SDHB: variants seen among roughly 807,000 people sequenced by gnomAD.
SDHB encodes the protein succinate dehydrogenase [ubiquinone] iron-sulfur subunit, mitochondrial.
Under a neutral mutation model 39.7 loss-of-function variants are expected in SDHB, and 21 were observed. The observed-to-expected ratio is 0.53, with a 90% CI of 0.37 to 0.76. The LOEUF (loss-of-function observed/expected upper bound fraction) is 0.76, where lower values mean the gene tolerates loss of function less well. Ranked by LOEUF, SDHB falls within the 30% of genes least tolerant of loss-of-function variation. The pLI, the probability that SDHB is intolerant of heterozygous loss-of-function variation, is 0.00. For missense variants in SDHB, 343 were observed against 350.9 expected (o/e 0.98, Z 0.18); for synonymous variants, 118 against 117.0 (o/e 1.01, Z -0.06).
intron 2 of SDHB, among the ~76,000 whole-genome samples, chr1:17,040,340 A>G (rs1413717530): frequency 6.6e-6 from 1 of 152,114 alleles, no homozygotes; most frequent in Admixed American, 6.5e-5. Context: ...GGATATGTGA[A>G]TTATGTCTTT....
chr1:17,018,775 T>C lies in SDHB; in HGVS notation c.*106A>G, dbSNP rs200366300. The C allele has an allele frequency of 3.9e-6, 3 of 770,466 alleles. No homozygotes were observed. Among genetic ancestry groups the C allele is most frequent in the Non-Finnish European group, 6.8e-6 (3 of 439,714 alleles). 47.7% of individuals were successfully genotyped at this position (770,466 alleles called of 1,614,324 possible). On this transcript the variant is annotated 3_prime_UTR_variant, in exon 8 of 8. Transcript: ENST00000375499. ...CATTTATTTCTTAAAATTTTTATTA[T>C]ACATGCTGTATTCATGGAAAACCAA...
intron 2 of SDHB, among the ~76,000 whole-genome samples, chr1:17,043,300 C>T (rs988101037): frequency 5.3e-5 from 8 of 152,058 alleles, no homozygotes; most frequent in African/African-American, 1.9e-4. Context: ...TATTGTATTT[C>T]GGTCCAAAAC....
chr1:17,042,133 C>T (rs1209399357), intron 2 of SDHB, among the ~76,000 whole-genome samples: 1 of 152,092 alleles, frequency 6.6e-6, no homozygotes, highest in Non-Finnish European at 1.5e-5. Flanking sequence ...TGTCGGCCTG[C>T]TTTGGCCTCC....
At chr1:17,051,035 T>G (rs2078144206) in intron 1 of SDHB, among the ~76,000 whole-genome samples, 1 of 152,234 alleles carries the variant, frequency 6.6e-6, no homozygotes, top group Admixed American at 6.5e-5. Flanking sequence ...ATCCAACCTT[T>G]TAGCCATTAT....
At chr1:17,048,325 T>C (rs1023959213) in intron 1 of SDHB, among the ~76,000 whole-genome samples, 1 of 152,250 alleles carries the variant, frequency 6.6e-6, no homozygotes, top group Non-Finnish European at 1.5e-5. Flanking sequence ...AATAGCTTTT[T>C]TCTTGTTATA....
Position 17,024,106 on chromosome 1 carries a change from G to C in SDHB, c.541-32C>G, listed in dbSNP as rs771830868. ...GGGGAGAAAAGAGAGGCAGGAGCTT[G>C]TGACGGGAGAGACTCTGCTATGTCT... On this transcript the variant is annotated intron_variant, in intron 5 of 7. Transcript: ENST00000375499. The C allele has an allele frequency of 2.7e-6, 4 of 1,481,784 alleles. No homozygotes were observed. In the Admixed American group the frequency reaches 5.1e-5, roughly 19 times the overall value. 91.8% of individuals were successfully genotyped at this position (1,481,784 alleles called of 1,614,324 possible). A position where few individuals can be genotyped will look rare whatever the true frequency, so the allele number is the denominator to read the frequency against.
chr1:17,049,273 G>T (rs1051724397), intron 1 of SDHB, among the ~76,000 whole-genome samples: 1 of 152,064 alleles, frequency 6.6e-6, no homozygotes, highest in African/African-American at 2.4e-5. Flanking sequence ...TTACAGGTGT[G>T]AGCCATTGTG....
Position 17,053,992 on chromosome 1 carries a change from T to G in SDHB, c.28A>C (p.Arg10=). 6.2e-7 allele frequency: 1 copy of G among 1,612,802 alleles called. No individual in the cohort carries two copies. The highest frequency in any genetic ancestry group is 8.5e-7 in the Non-Finnish European group (1 of 1,179,546). The part of the protein sequence containing the change: MAAVVALSL[R]RRLPATTLGG... The stretch of plus-strand genomic sequence containing the variant: ...AGGGTTGTGGCCGGCAACCGGCGCC[T>G]CAAGGAGAGGGCGACCACCGCCGCC... Residue 10 remains arginine (R), a synonymous_variant, in exon 1 of 8, where the codon AGG becomes CGG. Transcript: ENST00000375499.
At chr1:17,049,755 C>T (rs2078135012) in intron 1 of SDHB, among the ~76,000 whole-genome samples, 1 of 142,148 alleles carries the variant, frequency 7.0e-6, no homozygotes, top group South Asian at 2.3e-4. Flanking sequence ...AAGCAATTCT[C>T]CTGCCTCAGC....
At chr1:17,041,587 G>A (rs968188984) in intron 2 of SDHB, among the ~76,000 whole-genome samples, 4 of 152,020 alleles carry the variant, frequency 2.6e-5, no homozygotes, top group African/African-American at 4.8e-5. Context: ...GCTTGAACCC[G>A]GGAGGCGGAG....
chr1:17,028,692 G>A lies in SDHB; in HGVS notation c.331C>T (p.Leu111=). The A allele has an allele frequency of 6.2e-7, 1 of 1,614,174 alleles. No individual in the cohort carries two copies. Among genetic ancestry groups the A allele is most frequent in the Non-Finnish European group, 8.5e-7 (1 of 1,180,016 alleles). ...GTGTCAATCCTTCGGGTGCAAGCTA[G>A]AGTGTTGCCTCCATTGATGTTCATT... ...CAMNINGGNT[L]ACTRRIDTNL... Residue 111 remains leucine (L), a synonymous_variant, in exon 4 of 8, where the codon CTA becomes TTA. Coordinates refer to ENST00000375499, the MANE Select transcript of SDHB (RefSeq NM_003000.3).
intron 5 of SDHB, among the ~76,000 whole-genome samples, chr1:17,024,348 A>G (rs563286380): frequency 1.3e-5 from 2 of 152,222 alleles, no homozygotes; most frequent in Non-Finnish European, 2.9e-5. Flanking sequence ...TCTAAAAAAG[A>G]AATAGAAAAC....
chr1:17,018,980 C>T, intron 7 of SDHB, 22 bp from the exon 8 acceptor site: 1 of 1,566,700 alleles, frequency 6.4e-7, no homozygotes, highest in Non-Finnish European at 8.8e-7. Context: ...AGAAAAGAAT[C>T]AATAACAAAT....
intron 2 of SDHB, among the ~76,000 whole-genome samples, chr1:17,042,882 C>T (rs187352991): frequency 8.7e-5 from 13 of 149,714 alleles, no homozygotes; most frequent in African/African-American, 2.7e-4. Context: ...ATATTTTTTA[C>T]GTGTTCCTGA....
Position 17,033,047 on chromosome 1 carries a change from A to G in SDHB, c.286+13T>C. The G allele has an allele frequency of 1.2e-6, 2 of 1,606,852 alleles. No individual in the cohort carries two copies. Among genetic ancestry groups the G allele is most frequent in the South Asian group, 2.2e-5 (2 of 90,878 alleles). ...CACAAGTATCTGGAGCCCAACAGGAATGAAATGCTCACCTTCTCTGCATGA... is the reference window on the plus strand; with the variant it reads ...CACAAGTATCTGGAGCCCAACAGGAGTGAAATGCTCACCTTCTCTGCATGA... On this transcript the variant is annotated intron_variant, in intron 3 of 7. Transcript: ENST00000375499.
intron 2 of SDHB, among the ~76,000 whole-genome samples, chr1:17,037,789 T>C (rs2078058598): frequency 6.6e-6 from 1 of 151,188 alleles, no homozygotes; most frequent in African/African-American, 2.4e-5. Context: ...TTTGTAGAGA[T>C]GGGGGTCTCA....
In SDHB at chr1:17,041,960, T is replaced by A. The variant is rs183942746; in HGVS notation, c.200+2801A>T. 9.4e-3 allele frequency among the ~76,000 whole-genome samples: 1,437 copies of A among 152,090 alleles called. 14 individuals carry two copies. The highest frequency in any genetic ancestry group is 0.019 in the South Asian group (92 of 4,808). ...TTTTTGAGACAGAGTCTCACTCTGT[T>A]GCCCAGGCTGGAGTGCAGTGGTGTG... On this transcript the variant is annotated intron_variant, in intron 2 of 7. Coordinates refer to ENST00000375499, the MANE Select transcript of SDHB (RefSeq NM_003000.3).
At chr1:17,019,118 C>T (rs2077947188) in intron 7 of SDHB, among the ~76,000 whole-genome samples, 160 bp from the exon 8 acceptor site, 1 of 151,680 alleles carries the variant, frequency 6.6e-6, no homozygotes, top group Admixed American at 6.5e-5. Flanking sequence ...TAAGGGCTCT[C>T]TTCTGTCTAC....
intron 2 of SDHB, among the ~76,000 whole-genome samples, chr1:17,034,298 C>T (rs1220202405): frequency 6.6e-6 from 1 of 152,086 alleles, no homozygotes; most frequent in Non-Finnish European, 1.5e-5. Flanking sequence ...AGGTATGTGC[C>T]ACCACATCCA....
Sources: gnomAD v4.1 joint callset for allele counts (sites outside exome capture counted in the v4.1 genomes callset) on GRCh38, gnomAD v4.1.1 for gene constraint, MANE v1.5 for transcripts, NCBI Gene and HGNC (gene_info 2026-07-23, HGNC 2026-07-21) for gene names.